CNTN5: variants seen among roughly 807,000 people sequenced by gnomAD.
CNTN5 encodes the protein contactin 5.
CNTN5 carries 77 observed loss-of-function variants against 129.1 expected under a neutral mutation model. The observed-to-expected ratio is 0.60, with a 90% CI of 0.50 to 0.72. The LOEUF (loss-of-function observed/expected upper bound fraction) is 0.72, where lower values mean the gene tolerates loss of function less well. Ranked by LOEUF, CNTN5 falls within the 30% of genes least tolerant of loss-of-function variation. The pLI is 0.00. For missense variants in CNTN5, 1,478 were observed against 1,328.8 expected, an observed-to-expected ratio of 1.11 and a Z score of -1.75; for synonymous variants, 509 against 465.6, an observed-to-expected ratio of 1.09 and a Z score of -1.20.
At chr11:100,059,877 G>A (rs891307204) in intron 9 of CNTN5, among the ~76,000 whole-genome samples, 1 of 152,102 alleles carries the variant, frequency 6.6e-6, no homozygotes, top group Non-Finnish European at 1.5e-5. Flanking sequence ...TGAAATATGT[G>A]CAAGGTTATT....
chr11:99,241,814 ACT>A (rs1307993563), intron 1 of CNTN5, among the ~76,000 whole-genome samples: 1 of 152,134 alleles, frequency 6.6e-6, no homozygotes, highest in East Asian at 1.9e-4. Context: ...ATAGATTTAA[ACT>A]TTGCATTCTG....
At chr11:99,525,317 G>A (rs1216511730) in intron 2 of CNTN5, among the ~76,000 whole-genome samples, 1 of 152,106 alleles carries the variant, frequency 6.6e-6, no homozygotes, top group African/African-American at 2.4e-5. Flanking sequence ...ACAGCACACA[G>A]CTTGTTTAAA....
At chr11:100,245,378 A>G (rs1379919649) in intron 16 of CNTN5, among the ~76,000 whole-genome samples, 1 of 152,134 alleles carries the variant, frequency 6.6e-6, no homozygotes, top group Non-Finnish European at 1.5e-5. Flanking sequence ...CTCCTGAACA[A>G]GTCTCTGTCA....
At chr11:99,550,049 T>G (rs1331256440) in intron 2 of CNTN5, among the ~76,000 whole-genome samples, 2 of 152,134 alleles carry the variant, frequency 1.3e-5, no homozygotes, top group African/African-American at 4.8e-5. Context: ...ATGTTTATAT[T>G]TAAAAGAGTA....
intron 1 of CNTN5, among the ~76,000 whole-genome samples, chr11:99,169,511 A>C (rs1260043734): frequency 1.3e-5 from 2 of 152,132 alleles, no homozygotes; most frequent in East Asian, 3.9e-4. Flanking sequence ...AAAAGAAAGA[A>C]AGTAGGTTGA....
At chr11:99,839,152 T>G (rs535057705) in intron 4 of CNTN5, among the ~76,000 whole-genome samples, 11 of 152,262 alleles carry the variant, frequency 7.2e-5, no homozygotes, top group African/African-American at 2.2e-4. Flanking sequence ...AAAAGGTTAC[T>G]TTCATTGAAA....
chr11:99,302,900 A>T (rs565246700), intron 1 of CNTN5, among the ~76,000 whole-genome samples: 1 of 151,508 alleles, frequency 6.6e-6, no homozygotes, highest in East Asian at 1.9e-4. Context: ...CACTAATATT[A>T]TTTAATATTA....
At chr11:99,427,487 C>G (rs112638172) in intron 2 of CNTN5, among the ~76,000 whole-genome samples, 2,619 of 152,194 alleles carry the variant, frequency 0.017, 65 homozygotes, top group African/African-American at 0.056. Flanking sequence ...ATTTCTTGGG[C>G]CTGGCGCGGT....
At chr11:99,932,766 A>G (rs1950222174) in intron 7 of CNTN5, among the ~76,000 whole-genome samples, 1 of 152,148 alleles carries the variant, frequency 6.6e-6, no homozygotes, top group Non-Finnish European at 1.5e-5. Flanking sequence ...GATGATGATG[A>G]TGCCCTCTTC....
intron 6 of CNTN5, among the ~76,000 whole-genome samples, chr11:99,864,602 C>G (rs886366583): frequency 1.3e-5 from 2 of 152,120 alleles, no homozygotes; most frequent in Non-Finnish European, 2.9e-5. Flanking sequence ...CTATGTTTCC[C>G]TCTTTCAACT....
intron 2 of CNTN5, among the ~76,000 whole-genome samples, chr11:99,544,431 T>C (rs1361274787): frequency 6.6e-6 from 1 of 152,204 alleles, no homozygotes; most frequent in Non-Finnish European, 1.5e-5. Context: ...CTATGTAGAA[T>C]GACTGCTTCA....
intron 3 of CNTN5, among the ~76,000 whole-genome samples, chr11:99,662,278 G>T (rs994383609): frequency 6.6e-6 from 1 of 152,040 alleles, no homozygotes; most frequent in Non-Finnish European, 1.5e-5. Context: ...GACTAATAAG[G>T]GGGGATTGAT....
At chr11:99,638,862 G>C (rs1951663197) in intron 3 of CNTN5, among the ~76,000 whole-genome samples, 1 of 152,132 alleles carries the variant, frequency 6.6e-6, no homozygotes. Context: ...CAGGTGCATG[G>C]TGCAAGCCAT....
At chr11:99,985,772 T>G (rs1246615457) in intron 8 of CNTN5, among the ~76,000 whole-genome samples, 2 of 152,198 alleles carry the variant, frequency 1.3e-5, no homozygotes, top group African/African-American at 4.8e-5. Flanking sequence ...CGTCTTTTAA[T>G]AACCCCTCAT....
intron 3 of CNTN5, among the ~76,000 whole-genome samples, chr11:99,759,518 A>C (rs902271096): frequency 1.3e-5 from 2 of 151,992 alleles, no homozygotes; most frequent in African/African-American, 4.8e-5. Context: ...AAGCTAGTGA[A>C]ATTAACATCA....
chr11:99,235,088 GTAATTACACTTAA>G (rs1861199897), intron 1 of CNTN5, among the ~76,000 whole-genome samples: 1 of 151,092 alleles, frequency 6.6e-6, no homozygotes, highest in Non-Finnish European at 1.5e-5. Flanking sequence ...AATTATATTG[GTAATTACACTTAA>G]TTTGTACTCA....
intron 15 of CNTN5, among the ~76,000 whole-genome samples, chr11:100,195,036 AT>A (rs2138520540): frequency 6.6e-6 from 1 of 152,094 alleles, no homozygotes; most frequent in East Asian, 1.9e-4. Context: ...AATTAAACAC[AT>A]TTTGCTCTGC....
chr11:99,162,265 T>A (rs568095172), intron 1 of CNTN5, among the ~76,000 whole-genome samples: 1 of 135,086 alleles, frequency 7.4e-6, no homozygotes, highest in East Asian at 2.2e-4. Flanking sequence ...GGCTTGAGGG[T>A]TCCTAGACAT....
intron 2 of CNTN5, among the ~76,000 whole-genome samples, chr11:99,480,659 A>G (rs561763539): frequency 6.6e-6 from 1 of 152,260 alleles, no homozygotes; most frequent in African/African-American, 2.4e-5. Flanking sequence ...GAGTGTATCT[A>G]TGTAACTTCT....
Sources: gnomAD v4.1 joint callset for allele counts (sites outside exome capture counted in the v4.1 genomes callset) on GRCh38, gnomAD v4.1.1 for gene constraint, MANE v1.5 for transcripts, NCBI Gene and HGNC (gene_info 2026-07-23, HGNC 2026-07-21) for gene names.